POT1: variants seen among roughly 807,000 people sequenced by gnomAD.
POT1 encodes protection of telomeres 1, also known as protection of telomeres protein 1.
A neutral mutation model predicts 78.5 loss-of-function variants in POT1; 47 were observed. That is an observed-to-expected ratio of 0.60 (90% CI 0.47 to 0.76). POT1 has a LOEUF of 0.76. POT1 is among the 30% of genes least tolerant of loss of function. The probability of loss-of-function intolerance (pLI) is 0.00; values close to 1 mark genes in which losing one functional copy is unlikely to be tolerated. For synonymous variants in POT1, 259 were observed against 260.7 expected (o/e 0.99, Z 0.06); for missense variants, 646 against 749.9 (o/e 0.86, Z 1.62).
intron 9 of POT1, among the ~76,000 whole-genome samples, chr7:124,858,361 TA>T (rs780370450): frequency 6.6e-6 from 1 of 152,138 alleles, no homozygotes; most frequent in Non-Finnish European, 1.5e-5. Context: ...AAAGATATAA[TA>T]GAGAAAAGAA....
At chr7:124,846,888 A>G in intron 12 of POT1, 54 bp downstream of exon 12, 1 of 1,276,394 alleles carries the variant, frequency 7.8e-7, no homozygotes, top group Non-Finnish European at 1.1e-6. Flanking sequence ...GTGTAGAGGC[A>G]GACTTTATTA....
Position 124,825,371 on chromosome 7 carries a change from C to G in POT1, c.1687-14G>C, listed in dbSNP as rs1404926822. The G allele has an allele frequency of 6.6e-7, 1 of 1,508,772 alleles. No individual in the cohort carries two copies. The highest frequency in any genetic ancestry group is 1.8e-5 in the Admixed American group (1 of 54,298). 93.5% of individuals were successfully genotyped at this position (1,508,772 alleles called of 1,614,324 possible). A position where few individuals can be genotyped will look rare whatever the true frequency, so the allele number is the denominator to read the frequency against. On this transcript the variant is annotated splice_polypyrimidine_tract_variant and intron_variant, in intron 17 of 18. Transcript: ENST00000357628. ...GAAGAATTTGTCCTTAAAAATGTTT[C>G]ATGAGAGAAAAAAAAAGGAAATAAT...
intron 12 of POT1, among the ~76,000 whole-genome samples, chr7:124,843,879 CAAG>C (rs1795092051): frequency 1.3e-5 from 2 of 152,076 alleles, no homozygotes; most frequent in Admixed American, 1.3e-4. Flanking sequence ...AGCAAATGGC[CAAG>C]AAGGACAGAA....
intron 7 of POT1, among the ~76,000 whole-genome samples, chr7:124,867,654 A>AT (rs1163802199): frequency 2.0e-5 from 3 of 151,014 alleles, no homozygotes; most frequent in Admixed American, 6.6e-5. Flanking sequence ...TTATTTATTT[A>AT]TTATTTTTTT....
At chr7:124,830,713 A>G (rs893687922) in intron 15 of POT1, among the ~76,000 whole-genome samples, 3 of 152,274 alleles carry the variant, frequency 2.0e-5, no homozygotes, top group Admixed American at 6.5e-5. Context: ...AAATTTAGCC[A>G]TAAGCTTTTA....
At chr7:124,840,775 A>G in intron 14 of POT1, 198 bp downstream of exon 14, 1 of 413,326 alleles carries the variant, frequency 2.4e-6, no homozygotes. Flanking sequence ...ACAATTTCAA[A>G]TGTAATTAAG....
At chr7:124,876,075 C>G (rs967546705) in intron 6 of POT1, among the ~76,000 whole-genome samples, 8 of 152,140 alleles carry the variant, frequency 5.3e-5, no homozygotes, top group African/African-American at 1.9e-4. Context: ...GGAGCAAAAA[C>G]AGCTGCTCTC....
intron 15 of POT1, among the ~76,000 whole-genome samples, chr7:124,834,897 T>C (rs1020335742): frequency 6.6e-6 from 1 of 152,176 alleles, no homozygotes; most frequent in East Asian, 1.9e-4. Context: ...ATACGCACCA[T>C]GGAATACTAT....
intron 15 of POT1, among the ~76,000 whole-genome samples, chr7:124,832,246 T>A (rs1229509521): frequency 2.0e-5 from 2 of 99,880 alleles, no homozygotes; most frequent in Admixed American, 2.6e-4. Flanking sequence ...AGAATGACAC[T>A]GTCTCCAAAA....
At chr7:124,833,967 A>ACCATC (rs1179207753) in intron 15 of POT1, among the ~76,000 whole-genome samples, 1 of 152,214 alleles carries the variant, frequency 6.6e-6, no homozygotes, top group Non-Finnish European at 1.5e-5. Flanking sequence ...CACATCTGCA[A>ACCATC]CCATCTGATC....
intron 17 of POT1, 119 bp from the exon 18 acceptor site, chr7:124,825,476 T>C (rs1794608465): frequency 8.7e-6 from 5 of 574,694 alleles, no homozygotes; most frequent in Non-Finnish European, 1.4e-5. Flanking sequence ...TTTCCCTCTA[T>C]CAAGATTGTA....
At chr7:124,883,339 G>A (rs1334303853) in intron 6 of POT1, among the ~76,000 whole-genome samples, 3 of 151,966 alleles carry the variant, frequency 2.0e-5, no homozygotes, top group Non-Finnish European at 4.4e-5. Flanking sequence ...CTAAAAAAAA[G>A]TTTATGTAAC....
intron 6 of POT1, among the ~76,000 whole-genome samples, chr7:124,888,377 G>A (rs941544289): frequency 2.0e-5 from 3 of 151,958 alleles, no homozygotes; most frequent in African/African-American, 7.2e-5. Flanking sequence ...ACTTTTTAAC[G>A]TATTTTGAAA....
intron 6 of POT1, among the ~76,000 whole-genome samples, chr7:124,885,523 T>C (rs1796223153): frequency 6.6e-6 from 1 of 151,872 alleles, no homozygotes; most frequent in Non-Finnish European, 1.5e-5. Context: ...TCCCAGCACT[T>C]TGGGAGGCCA....
Position 124,829,284 on chromosome 7 carries a change from T to A in POT1, c.1564A>T (p.Thr522Ser). The change falls in exon 16 of 19, where the codon ACA (threonine) becomes TCA (serine). Residue 522 changes from threonine (T) to serine (S), a missense_variant. Around this residue, in one of 2 missense-constraint regions of POT1, gnomAD observed 394 missense variants for 408.4 expected, o/e 0.96. Coordinates refer to ENST00000357628, the MANE Select transcript of POT1 (RefSeq NM_015450.3). ...GCCACAGAAGAAGGAATCCACGATG[T>A]TTTATCAACCAGGGAATTTAGATTT... ...IQNLNSLVDK[T>S]SWIPSSVAEA... is the part of the protein sequence containing the mutation. 1 of 1,606,036 alleles carries A rather than the reference T, an allele frequency of 6.2e-7. No individual in the cohort carries two copies. The highest frequency in any genetic ancestry group is 8.5e-7 in the Non-Finnish European group (1 of 1,172,860).
chr7:124,906,016 AG>A (rs1161114840), intron 3 of POT1, among the ~76,000 whole-genome samples: 3 of 152,202 alleles, frequency 2.0e-5, no homozygotes, highest in Admixed American at 2.0e-4. Flanking sequence ...GTGGAGAAAT[AG>A]GAACACTTTT....
chr7:124,893,892 T>C (rs1234601862), intron 5 of POT1, among the ~76,000 whole-genome samples: 1 of 151,570 alleles, frequency 6.6e-6, no homozygotes, highest in Non-Finnish European at 1.5e-5. Flanking sequence ...TCAGCTTTTC[T>C]TTTCTCAAAA....
intron 2 of POT1, among the ~76,000 whole-genome samples, chr7:124,924,732 A>G (rs1281943914): frequency 3.3e-5 from 5 of 152,140 alleles, no homozygotes; most frequent in African/African-American, 1.2e-4. Context: ...TAGCAAATTG[A>G]ATCCAACAGC....
chr7:124,924,525 A>C (rs529324759), intron 2 of POT1, among the ~76,000 whole-genome samples: 1 of 152,098 alleles, frequency 6.6e-6, no homozygotes, highest in South Asian at 2.1e-4. Flanking sequence ...AGATGGATTC[A>C]CAGCCTAGAT....
Sources: allele counts gnomAD v4.1 joint callset (sites outside exome capture counted in the v4.1 genomes callset), GRCh38; gene constraint gnomAD v4.1.1; regional missense constraint gnomAD v4.1.1; transcripts MANE v1.5; gene names NCBI Gene and HGNC (gene_info 2026-07-23, HGNC 2026-07-21).